Variants in ARHGAP24 observed in about 807,000 individuals in gnomAD.
The protein encoded by ARHGAP24 is rho GTPase-activating protein 24.
A neutral mutation model predicts 76.4 loss-of-function variants in ARHGAP24; 50 were observed. The ratio of observed to expected loss-of-function variants is 0.65; its 90% CI spans 0.52 to 0.83. The LOEUF is 0.83. Ranked by LOEUF, ARHGAP24 falls within the 40% of genes least tolerant of loss-of-function variation. The probability of loss-of-function intolerance (pLI) is 0.00; values close to 1 mark genes in which losing one functional copy is unlikely to be tolerated. For missense variants in ARHGAP24, 930 were observed against 914.2 expected, an observed-to-expected ratio of 1.02 and a Z score of -0.22; for synonymous variants, 345 against 323.3, an observed-to-expected ratio of 1.07 and a Z score of -0.72.
intron 3 of ARHGAP24, among the ~76,000 whole-genome samples, chr4:85,784,073 A>C (rs966882242): frequency 3.9e-5 from 6 of 152,112 alleles, no homozygotes; most frequent in Non-Finnish European, 7.4e-5. Context: ...TGCCCTTTGC[A>C]CTTTGGCATT....
chr4:85,688,350 G>T (rs1288049143), intron 2 of ARHGAP24, among the ~76,000 whole-genome samples: 1 of 151,976 alleles, frequency 6.6e-6, no homozygotes, highest in Non-Finnish European at 1.5e-5. Context: ...TTTCATGTTT[G>T]TTGGCCACTT....
intron 2 of ARHGAP24, among the ~76,000 whole-genome samples, chr4:85,691,323 T>C (rs1560587827): frequency 6.6e-6 from 1 of 152,148 alleles, no homozygotes; most frequent in Non-Finnish European, 1.5e-5. Context: ...GTATATCCTA[T>C]GGTTATTGGG....
intron 1 of ARHGAP24, among the ~76,000 whole-genome samples, chr4:85,514,817 TAAAAAAAAAAA>T (rs773699457): frequency 2.4e-5 from 2 of 82,500 alleles, no homozygotes; most frequent in Non-Finnish European, 4.3e-5. Flanking sequence ...CTCTAAATTG[TAAAAAAAAAAA>T]AAAAAAAAAA....
At chr4:85,993,474 GAATAT>G (rs1453712098) in intron 8 of ARHGAP24, among the ~76,000 whole-genome samples, 1 of 152,118 alleles carries the variant, frequency 6.6e-6, no homozygotes, top group Non-Finnish European at 1.5e-5. Flanking sequence ...GAATATAAAT[GAATAT>G]AATATGTTTT....
chr4:85,589,028 T>C (rs1727978743), intron 2 of ARHGAP24, among the ~76,000 whole-genome samples: 1 of 152,244 alleles, frequency 6.6e-6, no homozygotes, highest in South Asian at 2.1e-4. Flanking sequence ...AAGACAACTT[T>C]GTAAAATAAA....
chr4:85,725,538 G>A (rs1003430943), intron 3 of ARHGAP24, among the ~76,000 whole-genome samples: 2 of 152,228 alleles, frequency 1.3e-5, no homozygotes, highest in African/African-American at 4.8e-5. Flanking sequence ...GATGGAAGAA[G>A]GTAGAGATCT....
intron 2 of ARHGAP24, among the ~76,000 whole-genome samples, chr4:85,621,119 T>C (rs528538171): frequency 8.3e-4 from 127 of 152,252 alleles, no homozygotes; most frequent in Non-Finnish European, 1.7e-3. Context: ...ATTCTTTTTT[T>C]GTGGCTGTGT....
chr4:85,565,065 C>A (rs981880181), intron 1 of ARHGAP24, among the ~76,000 whole-genome samples: 1 of 149,860 alleles, frequency 6.7e-6, no homozygotes, highest in Admixed American at 6.7e-5. Flanking sequence ...TGTCTCATTT[C>A]TTTTGTAAGT....
chr4:85,485,399 ATATATATATATATATC>A (rs1262081929), intron 1 of ARHGAP24, among the ~76,000 whole-genome samples: 6 of 122,954 alleles, frequency 4.9e-5, no homozygotes, highest in African/African-American at 1.9e-4. Context: ...ATATATATAT[ATATATATATATATATC>A]TCCTTGGATT....
intron 2 of ARHGAP24, among the ~76,000 whole-genome samples, chr4:85,590,249 CTCCCTCCA>C (rs1357123823): frequency 1.3e-5 from 2 of 149,648 alleles, no homozygotes; most frequent in Admixed American, 6.7e-5. Flanking sequence ...TTCCTCCCAC[CTCCCTCCA>C]TCCCTCCATC....
At chr4:85,818,080 G>A (rs923929738) in intron 3 of ARHGAP24, among the ~76,000 whole-genome samples, 1 of 152,180 alleles carries the variant, frequency 6.6e-6, no homozygotes, top group African/African-American at 2.4e-5. Flanking sequence ...ATATCAAGAA[G>A]TTGCAACTTT....
intron 2 of ARHGAP24, among the ~76,000 whole-genome samples, chr4:85,600,643 A>C (rs1231388024): frequency 1.3e-5 from 2 of 152,234 alleles, no homozygotes; most frequent in African/African-American, 4.8e-5. Context: ...CACACATGGC[A>C]AAGTATTTTC....
At chr4:85,557,316 T>C (rs1377223344) in intron 1 of ARHGAP24, among the ~76,000 whole-genome samples, 3 of 152,244 alleles carry the variant, frequency 2.0e-5, no homozygotes, top group Non-Finnish European at 4.4e-5. Context: ...TTGCTGGACC[T>C]GCAGCCACTG....
At chr4:85,683,109 T>TGTGGGG (rs1553922558) in intron 2 of ARHGAP24, among the ~76,000 whole-genome samples, 8 of 17,480 alleles carry the variant, frequency 4.6e-4, no homozygotes, top group African/African-American at 1.4e-3. Context: ...TCTCAGTGTG[T>TGTGGGG]GGGGGGGTGG....
At chr4:85,618,084 C>T (rs1012147336) in intron 2 of ARHGAP24, among the ~76,000 whole-genome samples, 1 of 152,156 alleles carries the variant, frequency 6.6e-6, no homozygotes, top group African/African-American at 2.4e-5. Context: ...TACATTAAAT[C>T]TCCAGGACTT....
chr4:85,754,996 C>T (rs78687271), intron 3 of ARHGAP24, among the ~76,000 whole-genome samples: 1 of 152,280 alleles, frequency 6.6e-6, no homozygotes, highest in Non-Finnish European at 1.5e-5. Context: ...TATTCAGATG[C>T]AAGGCCTCAG....
At chr4:85,571,832 C>A (rs1221568902) in intron 2 of ARHGAP24, among the ~76,000 whole-genome samples, 1 of 152,114 alleles carries the variant, frequency 6.6e-6, no homozygotes, top group Non-Finnish European at 1.5e-5. Flanking sequence ...TCTCTTTGTG[C>A]ATGAACACCA....
chr4:85,968,265 A>G (rs1004326445), intron 5 of ARHGAP24, among the ~76,000 whole-genome samples: 1 of 152,040 alleles, frequency 6.6e-6, no homozygotes, highest in Non-Finnish European at 1.5e-5. Context: ...TAACCTACTC[A>G]TTGGCCTTCA....
chr4:85,759,598 T>C (rs950828070), intron 3 of ARHGAP24, among the ~76,000 whole-genome samples: 1 of 152,096 alleles, frequency 6.6e-6, no homozygotes, highest in Non-Finnish European at 1.5e-5. Context: ...ATGATCAGAA[T>C]TGCACTTGAG....
Sources: gnomAD v4.1 joint callset for allele counts (sites outside exome capture counted in the v4.1 genomes callset) on GRCh38, gnomAD v4.1.1 for gene constraint, MANE v1.5 for transcripts, NCBI Gene and HGNC (gene_info 2026-07-23, HGNC 2026-07-21) for gene names.